ALK: variants seen among roughly 807,000 people sequenced by gnomAD.
The protein encoded by ALK is ALK tyrosine kinase receptor.
A neutral mutation model predicts 163.1 loss-of-function variants in ALK; 74 were observed. The ratio of observed to expected loss-of-function variants is 0.45; its 90% CI spans 0.38 to 0.55. The LOEUF (loss-of-function observed/expected upper bound fraction) is 0.55. Ranked by LOEUF, ALK falls within the 20% of genes least tolerant of loss-of-function variation. ALK has a pLI of 0.00. For missense variants in ALK, 2,063 were observed against 2,105.3 expected (o/e 0.98, Z 0.39); for synonymous variants, 960 against 843.2 (o/e 1.14, Z -2.40).
intron 4 of ALK, among the ~76,000 whole-genome samples, chr2:29,467,655 C>T (rs541153163): frequency 1.4e-4 from 22 of 152,220 alleles, no homozygotes; most frequent in Non-Finnish European, 2.8e-4. Flanking sequence ...GCTCGGGGGC[C>T]CTGAGATCTT....
intron 4 of ALK, among the ~76,000 whole-genome samples, chr2:29,521,231 C>T (rs566841185): frequency 6.6e-6 from 1 of 152,278 alleles, no homozygotes; most frequent in East Asian, 1.9e-4. Flanking sequence ...CTGGTGCCCT[C>T]AGGTGAGTGA....
At chr2:29,588,585 G>A (rs115015976) in intron 3 of ALK, among the ~76,000 whole-genome samples, 2,093 of 152,272 alleles carry the variant, frequency 0.014, 58 homozygotes, top group African/African-American at 0.048. Context: ...GTGGTAAGGT[G>A]AGTCACATGC....
In ALK at chr2:29,193,714, G is replaced by A. The variant is rs774448761; in HGVS notation, c.4373C>T (p.Ala1458Val). ...AGGGACTCGAACAGAGATCTCTGCA[G>A]CTGTGGGTTTCTTTGCAGCCTTGCC... ...SSGKAAKKPT[A>V]AEISVRVPRG... The change falls in exon 29 of 29, where the codon GCT becomes GTT. Residue 1458 changes from alanine to valine, a missense_variant. Ala to Val is a moderately conservative substitution (Grantham distance 64, BLOSUM62 0). Around this residue, in one of 5 missense-constraint regions of ALK, gnomAD observed 403 missense variants for 366.2 expected, o/e 1.10. Coordinates refer to ENST00000389048, the MANE Select transcript of ALK (RefSeq NM_004304.5). 5 of 1,608,498 alleles carry A rather than the reference G, an allele frequency of 3.1e-6. No homozygotes were observed. The highest frequency in any genetic ancestry group is 4.3e-6 in the Non-Finnish European group (5 of 1,176,132).
intron 8 of ALK, among the ~76,000 whole-genome samples, chr2:29,307,960 C>T (rs1558663089): frequency 6.6e-6 from 1 of 152,090 alleles, no homozygotes; most frequent in African/African-American, 2.4e-5. Flanking sequence ...ATTCATATGC[C>T]CTCTTTCTAA....
In ALK at chr2:29,232,323, G is replaced by C. The variant is rs150557024; in HGVS notation, c.2613C>G (p.Asn871Lys). ...CTTTACCTGCGGCTCCGGAATTGCC[G>C]TTTAGCCCTAGAACCGAGGAGTTAT... is the stretch of plus-strand genomic sequence containing the variant. ...LENNSSVLGL[N>K]GNSGAAGGGG... The change falls in exon 15 of 29, where the codon AAC becomes AAG. Residue 871 changes from asparagine (N) to lysine (K), a missense_variant. Around this residue, in one of 5 missense-constraint regions of ALK, gnomAD observed 575 missense variants for 626.6 expected, o/e 0.92. Coordinates refer to ENST00000389048, the MANE Select transcript of ALK (RefSeq NM_004304.5). 4 of 1,614,256 alleles carry C rather than the reference G, an allele frequency of 2.5e-6. No individual in the cohort carries two copies. The highest frequency in any genetic ancestry group is 3.4e-6 in the Non-Finnish European group (4 of 1,180,048).
intron 4 of ALK, among the ~76,000 whole-genome samples, chr2:29,521,803 T>C (rs1304019688): frequency 6.6e-6 from 1 of 152,108 alleles, no homozygotes; most frequent in African/African-American, 2.4e-5. Flanking sequence ...CCCGATTCCA[T>C]CTCCTCAATG....
chr2:29,676,930 A>G (rs1387276853), intron 3 of ALK, among the ~76,000 whole-genome samples: 4 of 151,860 alleles, frequency 2.6e-5, no homozygotes, highest in Non-Finnish European at 4.4e-5. Flanking sequence ...CCTTTTGGAA[A>G]TTGTTGTTAG....
intron 4 of ALK, among the ~76,000 whole-genome samples, chr2:29,515,938 T>G (rs1306352576): frequency 6.6e-6 from 1 of 152,196 alleles, no homozygotes; most frequent in Non-Finnish European, 1.5e-5. Flanking sequence ...ACCCTTCCTC[T>G]GGAGATTTTG....
chr2:29,557,696 A>G (rs945185360), intron 3 of ALK, among the ~76,000 whole-genome samples: 16 of 152,192 alleles, frequency 1.1e-4, no homozygotes, highest in African/African-American at 3.9e-4. Context: ...AAAGTGGTAT[A>G]TATACCCTCC....
chr2:29,296,338 C>A (rs532032261), intron 9 of ALK, among the ~76,000 whole-genome samples: 2 of 152,342 alleles, frequency 1.3e-5, no homozygotes, highest in East Asian at 3.9e-4. Context: ...GAACACTGGA[C>A]TCGGAGTCGG....
intron 9 of ALK, among the ~76,000 whole-genome samples, chr2:29,280,101 C>A (rs768087251): frequency 6.6e-6 from 1 of 152,140 alleles, no homozygotes; most frequent in Non-Finnish European, 1.5e-5. Flanking sequence ...ACCAGGTGGA[C>A]TGCTGTGGGG....
chr2:29,195,565 C>G (rs1035690773), intron 28 of ALK, among the ~76,000 whole-genome samples: 5 of 151,840 alleles, frequency 3.3e-5, no homozygotes, highest in African/African-American at 1.2e-4. Flanking sequence ...AACACCATCT[C>G]TACTAAAATT....
At chr2:29,837,558 G>A (rs1244413354) in intron 1 of ALK, among the ~76,000 whole-genome samples, 1 of 152,192 alleles carries the variant, frequency 6.6e-6, no homozygotes, top group South Asian at 2.1e-4. Flanking sequence ...GCACAAGACT[G>A]TGGAGAATCC....
At position 29,225,454 on chromosome 2, in the gene ALK, C is replaced by T. The variant is rs1663939743; in HGVS notation, c.3172+7G>A. ...CCTTGGGAGTCCCTGGGGCTCTGTG[C>T]ACTCACCAATCATGATGCCGGAGAA... On this transcript the variant is annotated splice_region_variant and intron_variant, in intron 19 of 28. Transcript: ENST00000389048. 6.2e-7 allele frequency: 1 copy of T among 1,609,662 alleles called. No homozygotes were observed. The highest frequency in any genetic ancestry group is 8.5e-7 in the Non-Finnish European group (1 of 1,177,666).
chr2:29,401,116 G>A lies in ALK; in HGVS notation c.1155-17257C>T, dbSNP rs138536393. ...AGCACTAAATGGCATCCTGGAGGTG[G>A]CTCCTTTAGCTACTCCCACCCTCAG... On this transcript the variant is annotated intron_variant, in intron 4 of 28. Transcript: ENST00000389048. 3.0e-3 allele frequency among the ~76,000 whole-genome samples: 463 copies of A among 152,248 alleles called. 2 individuals are homozygous for A. The highest frequency in any genetic ancestry group is 6.0e-3 in the South Asian group (29 of 4,820).
At chr2:29,803,755 A>G (rs1664542158) in intron 1 of ALK, among the ~76,000 whole-genome samples, 1 of 152,228 alleles carries the variant, frequency 6.6e-6, no homozygotes, top group African/African-American at 2.4e-5. Context: ...ATGCAGATAA[A>G]TAATGGGATG....
chr2:29,220,489 C>T (rs1213821199), intron 23 of ALK, among the ~76,000 whole-genome samples: 1 of 152,148 alleles, frequency 6.6e-6, no homozygotes, highest in Non-Finnish European at 1.5e-5. Context: ...ATTGCAGGAG[C>T]CTTGCACAAG....
At chr2:29,560,294 T>C (rs907754232) in intron 3 of ALK, among the ~76,000 whole-genome samples, 2 of 152,152 alleles carry the variant, frequency 1.3e-5, no homozygotes, top group Non-Finnish European at 2.9e-5. Flanking sequence ...GACTGATACA[T>C]GATACAATAT....
intron 3 of ALK, among the ~76,000 whole-genome samples, chr2:29,591,095 A>C (rs867305508): frequency 1.1e-4 from 16 of 148,756 alleles, no homozygotes; most frequent in African/African-American, 3.8e-4. Flanking sequence ...AAAAAAAAAA[A>C]AAAAATCCCA....
Sources: gnomAD v4.1 joint callset for allele counts (sites outside exome capture counted in the v4.1 genomes callset) on GRCh38, gnomAD v4.1.1 for gene constraint, gnomAD v4.1.1 regional missense constraint, MANE v1.5 for transcripts, NCBI Gene and HGNC (gene_info 2026-07-23, HGNC 2026-07-21) for gene names.